GALNT13: variants seen among roughly 807,000 people sequenced by gnomAD.
GALNT13 encodes UDP-GalNAc:polypeptide N-acetylgalactosaminyltransferase 13.
GALNT13 carries 28 observed loss-of-function variants against 64.2 expected under a neutral mutation model. The observed-to-expected ratio is 0.44, with a 90% CI of 0.32 to 0.60. The LOEUF is 0.60. Ranked by LOEUF, GALNT13 falls within the 20% of genes least tolerant of loss-of-function variation. The pLI is 0.05. For missense variants in GALNT13, 577 were observed against 669.8 expected (o/e 0.86, Z 1.53); for synonymous variants, 214 against 224.6 (o/e 0.95, Z 0.42).
At chr2:153,417,107 A>G in the GALNT13 span, among the ~76,000 whole-genome samples, 1 of 152,178 alleles carries the variant, frequency 6.6e-6, no homozygotes, top group Non-Finnish European at 1.5e-5. Flanking sequence ...ACAGAAGCAC[A>G]CAAAGAGGAT....
intron 8 of GALNT13, among the ~76,000 whole-genome samples, chr2:154,262,762 G>A (rs1302454265): frequency 6.6e-6 from 1 of 152,064 alleles, no homozygotes; most frequent in Non-Finnish European, 1.5e-5. Context: ...AGTTATAGGT[G>A]TTAAAGAAAA....
intron 3 of GALNT13, among the ~76,000 whole-genome samples, chr2:154,122,860 A>G (rs1042352702): frequency 6.6e-6 from 1 of 151,756 alleles, no homozygotes; most frequent in African/African-American, 2.4e-5. Flanking sequence ...GATAAATACT[A>G]AAAGTGTACA....
chr2:153,692,023 A>G, the GALNT13 span, among the ~76,000 whole-genome samples: 1 of 152,224 alleles, frequency 6.6e-6, no homozygotes, highest in Non-Finnish European at 1.5e-5. Flanking sequence ...ATATGTTTAT[A>G]TAATGGAATA....
the GALNT13 span, among the ~76,000 whole-genome samples, chr2:153,139,746 A>C: frequency 1.3e-5 from 2 of 151,998 alleles, no homozygotes. Context: ...ACTGCCAGGG[A>C]GAGGGGGGAT....
At chr2:153,241,887 T>A in the GALNT13 span, among the ~76,000 whole-genome samples, 17 of 152,016 alleles carry the variant, frequency 1.1e-4, no homozygotes, top group Non-Finnish European at 2.4e-4. Context: ...AAGCCTGCTT[T>A]TCAAGCCAGC....
At chr2:154,290,393 G>A (rs1198673244) in intron 8 of GALNT13, among the ~76,000 whole-genome samples, 1 of 152,204 alleles carries the variant, frequency 6.6e-6, no homozygotes, top group Non-Finnish European at 1.5e-5. Context: ...TCCTGTTAAG[G>A]CAAGCCGAAC....
the GALNT13 span, among the ~76,000 whole-genome samples, chr2:153,692,345 A>G: frequency 6.6e-6 from 1 of 152,164 alleles, no homozygotes; most frequent in African/African-American, 2.4e-5. Context: ...GAGCATTCCA[A>G]TTATGTATAA....
At chr2:153,772,678 T>C in the GALNT13 span, among the ~76,000 whole-genome samples, 4 of 152,174 alleles carry the variant, frequency 2.6e-5, no homozygotes, top group Non-Finnish European at 5.9e-5. Context: ...TTTTATTAGC[T>C]TTTTTTGGAG....
chr2:153,472,414 T>C, the GALNT13 span, among the ~76,000 whole-genome samples: 3 of 152,286 alleles, frequency 2.0e-5, no homozygotes, highest in East Asian at 5.8e-4. Context: ...GTAGAGTATA[T>C]ACCTTCCCTT....
chr2:154,326,405 G>C (rs760741417), intron 9 of GALNT13, among the ~76,000 whole-genome samples: 2 of 151,094 alleles, frequency 1.3e-5, no homozygotes, highest in Non-Finnish European at 2.9e-5. Context: ...TATGTTTCAT[G>C]TGACATTTGA....
the GALNT13 span, among the ~76,000 whole-genome samples, chr2:153,456,323 G>A: frequency 2.6e-5 from 4 of 152,186 alleles, no homozygotes; most frequent in African/African-American, 9.6e-5. Flanking sequence ...GCATCAAAAT[G>A]CTGGTCCCTT....
At chr2:154,064,112 C>T (rs949394871) in intron 3 of GALNT13, among the ~76,000 whole-genome samples, 8 of 152,126 alleles carry the variant, frequency 5.3e-5, no homozygotes, top group African/African-American at 1.9e-4. Context: ...GCATTAGAAC[C>T]CAGCACTTCC....
chr2:153,491,918 G>A, the GALNT13 span, among the ~76,000 whole-genome samples: 6 of 151,926 alleles, frequency 3.9e-5, no homozygotes, highest in Non-Finnish European at 5.9e-5. Flanking sequence ...ATGCCCGGCC[G>A]TATTATCTTT....
intron 1 of GALNT13, among the ~76,000 whole-genome samples, chr2:153,876,162 A>T (rs1332435234): frequency 2.0e-5 from 3 of 151,794 alleles, no homozygotes; most frequent in African/African-American, 7.3e-5. Flanking sequence ...TTATTCTGAC[A>T]ACCTATTTAA....
intron 3 of GALNT13, among the ~76,000 whole-genome samples, chr2:153,990,967 G>C (rs980992933): frequency 6.6e-6 from 1 of 152,110 alleles, no homozygotes; most frequent in Non-Finnish European, 1.5e-5. Context: ...CTTTCATTTG[G>C]GATGGGTGCC....
the GALNT13 span, among the ~76,000 whole-genome samples, chr2:153,751,734 A>G: frequency 2.0e-5 from 3 of 150,924 alleles, no homozygotes; most frequent in African/African-American, 7.3e-5. Flanking sequence ...TGTAAAGTGT[A>G]TTTACTGTAG....
intron 11 of GALNT13, among the ~76,000 whole-genome samples, chr2:154,418,265 A>G (rs1700107627): frequency 6.6e-6 from 1 of 152,132 alleles, no homozygotes; most frequent in South Asian, 2.1e-4. Flanking sequence ...AAATGTGTGG[A>G]TTTGGGGCTT....
intron 11 of GALNT13, among the ~76,000 whole-genome samples, chr2:154,415,290 T>G (rs951271390): frequency 2.6e-5 from 4 of 152,112 alleles, no homozygotes; most frequent in African/African-American, 9.7e-5. Flanking sequence ...CAGCACATCT[T>G]TAATTAAAAA....
chr2:153,666,347 A>G, the GALNT13 span, among the ~76,000 whole-genome samples: 1 of 152,056 alleles, frequency 6.6e-6, no homozygotes, highest in African/African-American at 2.4e-5. Flanking sequence ...AACCAACAGC[A>G]TGCAAGCACC....
Sources: allele counts gnomAD v4.1 joint callset (sites outside exome capture counted in the v4.1 genomes callset), GRCh38; gene constraint gnomAD v4.1.1; transcripts MANE v1.5; gene names NCBI Gene and HGNC (gene_info 2026-07-23, HGNC 2026-07-21).